Variants in MDGA2 observed in about 807,000 individuals in gnomAD.
MDGA2 encodes MAM domain-containing glycosylphosphatidylinositol anchor protein 2.
Under a neutral mutation model 117.8 loss-of-function variants are expected in MDGA2, and 40 were observed. The observed-to-expected ratio is 0.34, with a 90% CI of 0.26 to 0.44. The LOEUF is 0.44. Ranked by LOEUF, MDGA2 falls within the 20% of genes least tolerant of loss-of-function variation. MDGA2 has a pLI of 1.00. For synonymous variants in MDGA2, 452 were observed against 439.0 expected (o/e 1.03, Z -0.37); for missense variants, 1,123 against 1,250.6 (o/e 0.90, Z 1.54).
At chr14:46,857,544 T>G (rs1219269565) in intron 14 of MDGA2, among the ~76,000 whole-genome samples, 1 of 149,914 alleles carries the variant, frequency 6.7e-6, no homozygotes, top group Admixed American at 6.7e-5. Flanking sequence ...TTTGCAGTAG[T>G]TGATTGTGAT....
At chr14:47,626,897 G>A (rs1443350861) in intron 1 of MDGA2, among the ~76,000 whole-genome samples, 1 of 152,270 alleles carries the variant, frequency 6.6e-6, no homozygotes. Context: ...GCAGGCGCAC[G>A]GCGCTGGACT....
At chr14:47,036,818 GAT>G (rs1174713418) in intron 7 of MDGA2, among the ~76,000 whole-genome samples, 4 of 152,176 alleles carry the variant, frequency 2.6e-5, no homozygotes, top group African/African-American at 9.6e-5. Context: ...AGTTCAAAGT[GAT>G]ATGACAATTA....
At position 47,029,460 on chromosome 14, in the gene MDGA2, T is replaced by C. The variant is rs1888583903; in HGVS notation, c.1819+5551A>G. On this transcript the variant is annotated intron_variant, in intron 8 of 16. Transcript: ENST00000399232. ...TACTTAACACAATCTAACACTAACA[T>C]CTGTCTTTGGTTTTTAGTATATATT... Among the ~76,000 whole-genome samples the C allele has an allele frequency of 2.0e-5, 3 of 152,212 alleles. No homozygotes were observed. In the South Asian group the frequency reaches 6.2e-4, roughly 31 times the overall value.
intron 1 of MDGA2, among the ~76,000 whole-genome samples, chr14:47,307,847 G>A (rs539703961): frequency 6.6e-6 from 1 of 152,124 alleles, no homozygotes. Flanking sequence ...TAGAATAGAG[G>A]AGAGTTCTAT....
chr14:47,222,024 C>T (rs1886322923), intron 2 of MDGA2, among the ~76,000 whole-genome samples: 1 of 151,836 alleles, frequency 6.6e-6, no homozygotes, highest in Admixed American at 6.6e-5. Flanking sequence ...TAACTAGAGT[C>T]ACCATTCTAT....
At chr14:47,665,929 A>G (rs1370891451) in intron 1 of MDGA2, among the ~76,000 whole-genome samples, 2 of 151,060 alleles carry the variant, frequency 1.3e-5, no homozygotes, top group East Asian at 3.9e-4. Context: ...CAACTGCCCA[A>G]GGGCTGAGGA....
At chr14:47,323,443 T>C (rs146757259) in intron 1 of MDGA2, among the ~76,000 whole-genome samples, 10 of 151,514 alleles carry the variant, frequency 6.6e-5, no homozygotes, top group Non-Finnish European at 1.2e-4. Flanking sequence ...CTGGCCAATA[T>C]GGAGAAATCC....
chr14:47,378,409 A>C (rs1891530445), intron 1 of MDGA2, among the ~76,000 whole-genome samples: 1 of 152,178 alleles, frequency 6.6e-6, no homozygotes, highest in Admixed American at 6.5e-5. Context: ...CGGTAATAAG[A>C]AACTTCTCCG....
intron 1 of MDGA2, among the ~76,000 whole-genome samples, chr14:47,313,892 C>A (rs1036141636): frequency 6.6e-6 from 1 of 151,894 alleles, no homozygotes; most frequent in Non-Finnish European, 1.5e-5. Context: ...TACTGTAAGA[C>A]GACAAATTGC....
chr14:47,217,636 T>TA (rs1001894033), intron 3 of MDGA2, among the ~76,000 whole-genome samples: 4 of 151,370 alleles, frequency 2.6e-5, no homozygotes, highest in South Asian at 2.1e-4. Context: ...CACATGTAGG[T>TA]AAAAAAAATA....
At chr14:47,076,291 T>C (rs887149913) in intron 6 of MDGA2, among the ~76,000 whole-genome samples, 5 of 152,076 alleles carry the variant, frequency 3.3e-5, no homozygotes, top group African/African-American at 1.2e-4. Flanking sequence ...ACTTTCTAGA[T>C]ATTTTGAAAA....
chr14:46,982,734 A>AAAAAAAAAAAAAAAAAAAAT lies in MDGA2; in HGVS notation c.1820-25092_1820-25091insATTTTTTTTTTTTTTTTTTT, dbSNP rs1449356596. Among the ~76,000 whole-genome samples the AAAAAAAAAAAAAAAAAAAAT allele has an allele frequency of 1.2e-4, 15 of 130,402 alleles. 1 individual carries two copies. Among genetic ancestry groups the AAAAAAAAAAAAAAAAAAAAT allele is most frequent in the East Asian group, 2.0e-4 (1 of 4,978 alleles). The allele number at this position is 130,402 out of a possible 152,430, so 85.5% of individuals were successfully genotyped here. A position where few individuals can be genotyped will look rare whatever the true frequency, so the allele number is the denominator to read the frequency against. On this transcript the variant is annotated intron_variant, in intron 8 of 16. Coordinates refer to ENST00000399232, the MANE Select transcript of MDGA2 (RefSeq NM_001113498.3). The stretch of plus-strand genomic sequence containing the variant: ...AAAAAAAAAAAAAAAAAAAAAAAAA[A>AAAAAAAAAAAAAAAAAAAAT]AATCATGTCATCTGCAACCAGGGAC...
At chr14:47,298,631 G>A (rs1889158394) in intron 2 of MDGA2, among the ~76,000 whole-genome samples, 1 of 151,070 alleles carries the variant, frequency 6.6e-6, no homozygotes, top group African/African-American at 2.4e-5. Flanking sequence ...CAGGTGTTCT[G>A]TCAGCTTTCC....
chr14:47,101,225 G>T (rs1006763785), intron 5 of MDGA2, among the ~76,000 whole-genome samples: 1 of 152,170 alleles, frequency 6.6e-6, no homozygotes, highest in East Asian at 1.9e-4. Flanking sequence ...GGAAGGGAAA[G>T]GGGAACAAAA....
chr14:47,639,643 T>C (rs1257666062), intron 1 of MDGA2, among the ~76,000 whole-genome samples: 1 of 152,188 alleles, frequency 6.6e-6, no homozygotes, highest in Admixed American at 6.5e-5. Flanking sequence ...TCTTCTTTTA[T>C]TTAAGACTTT....
chr14:46,863,044 CTTACGCTGACCTTTTCCCTCT>C (rs1205641099), intron 14 of MDGA2, among the ~76,000 whole-genome samples: 1 of 151,990 alleles, frequency 6.6e-6, no homozygotes, highest in Non-Finnish European at 1.5e-5. Context: ...AGTCAGATCC[CTTACGCTGACCTTTTCCCTCT>C]TTAGTTCTAT....
intron 5 of MDGA2, among the ~76,000 whole-genome samples, chr14:47,113,538 G>T (rs1881160206): frequency 6.6e-6 from 1 of 152,130 alleles, no homozygotes; most frequent in Non-Finnish European, 1.5e-5. Context: ...ACTGAATCCA[G>T]CAGTACATCA....
At chr14:47,170,819 G>C (rs1230267873) in intron 3 of MDGA2, among the ~76,000 whole-genome samples, 2 of 152,182 alleles carry the variant, frequency 1.3e-5, no homozygotes, top group African/African-American at 4.8e-5. Flanking sequence ...TTTTGATTCA[G>C]CTGTATTTTC....
chr14:47,480,306 G>A (rs2138633224), intron 1 of MDGA2, among the ~76,000 whole-genome samples: 1 of 152,066 alleles, frequency 6.6e-6, no homozygotes, highest in South Asian at 2.1e-4. Context: ...GTTTCTAGTG[G>A]TATTTTACAT....
Sources: allele counts gnomAD v4.1 joint callset (sites outside exome capture counted in the v4.1 genomes callset), GRCh38; gene constraint gnomAD v4.1.1; transcripts MANE v1.5; gene names NCBI Gene and HGNC (gene_info 2026-07-23, HGNC 2026-07-21).